Variants in ZNF608 observed in about 807,000 individuals in gnomAD.
ZNF608 encodes the protein renal carcinoma antigen NY-REN-36.
ZNF608 carries 12 observed loss-of-function variants against 109.0 expected under a neutral mutation model. The observed-to-expected ratio is 0.11, with a 90% CI of 0.07 to 0.18. The LOEUF (loss-of-function observed/expected upper bound fraction) is 0.18. Ranked by LOEUF, ZNF608 falls within the 10% of genes least tolerant of loss-of-function variation. The pLI is 1.00. For synonymous variants in ZNF608, 732 were observed against 717.4 expected (o/e 1.02, Z -0.33); for missense variants, 1,707 against 1,879.3 (o/e 0.91, Z 1.70).
At chr5:124,710,175 T>G (rs981471584) in intron 2 of ZNF608, 2 of 454,590 alleles carry the variant, frequency 4.4e-6, no homozygotes, top group South Asian at 3.1e-5. Flanking sequence ...AAGTCTCTCA[T>G]CCTTATGCTT....
At chr5:124,729,326 G>A (rs1748769740) in intron 2 of ZNF608, among the ~76,000 whole-genome samples, 2 of 152,216 alleles carry the variant, frequency 1.3e-5, no homozygotes, top group Non-Finnish European at 2.9e-5. Flanking sequence ...ATCCCAGAGA[G>A]GAAGACCAGC....
At chr5:124,699,758 CT>C (rs1752980618) in intron 3 of ZNF608, among the ~76,000 whole-genome samples, 1 of 152,190 alleles carries the variant, frequency 6.6e-6, no homozygotes, top group Non-Finnish European at 1.5e-5. Context: ...ATACTCAACA[CT>C]TGTCATCTGA....
chr5:124,676,594 G>T (rs1382669970), intron 3 of ZNF608, among the ~76,000 whole-genome samples: 1 of 151,956 alleles, frequency 6.6e-6, no homozygotes, highest in Non-Finnish European at 1.5e-5. Context: ...AAAAATAGCC[G>T]CACACTATTT....
intron 3 of ZNF608, among the ~76,000 whole-genome samples, chr5:124,657,341 A>G (rs187168837): frequency 6.6e-6 from 1 of 152,280 alleles, no homozygotes; most frequent in East Asian, 1.9e-4. Flanking sequence ...CCCAAGATAT[A>G]ACATGAAAAG....
chr5:124,671,673 C>T (rs1751729175), intron 3 of ZNF608, among the ~76,000 whole-genome samples: 2 of 145,390 alleles, frequency 1.4e-5, no homozygotes, highest in South Asian at 2.2e-4. Flanking sequence ...GACAGGGTCT[C>T]ACCCCAGAGT....
chr5:124,744,648 A>G lies in ZNF608; in HGVS notation c.342T>C (p.Asp114=). ...SKVKRSKTSK[D]ANKSLPSAAL... ...CAGCAGAAGGCAGAGATTTATTAGCATCCTTAGAAGTTTTACTCCTTTTCA... is the reference window on the plus strand; with the variant it reads ...CAGCAGAAGGCAGAGATTTATTAGCGTCCTTAGAAGTTTTACTCCTTTTCA... Residue 114 remains aspartate (D), a synonymous_variant, in exon 2 of 10, where the codon GAT becomes GAC. Transcript: ENST00000513986. The surrounding 1 kb of genome is among the most constrained non-coding windows in gnomAD (Gnocchi z 4.5). 1 of 1,614,170 alleles carries G rather than the reference A, an allele frequency of 6.2e-7. No individual in the cohort carries two copies. Among genetic ancestry groups the G allele is most frequent in the Non-Finnish European group, 8.5e-7 (1 of 1,180,022 alleles).
intron 2 of ZNF608, among the ~76,000 whole-genome samples, chr5:124,715,673 T>C (rs1174559949): frequency 2.0e-5 from 3 of 152,268 alleles, no homozygotes; most frequent in African/African-American, 7.2e-5. Context: ...CATGTACGTA[T>C]ACTGCTTTTA....
chr5:124,644,399 T>C lies in ZNF608; in HGVS notation c.3968A>G (p.Lys1323Arg). 6.2e-7 allele frequency: 1 copy of C among 1,614,178 alleles called. No homozygotes were observed. Among genetic ancestry groups the C allele is most frequent in the Non-Finnish European group, 8.5e-7 (1 of 1,180,028 alleles). Residue 1323 changes from lysine (K) to arginine (R), a missense_variant, in exon 6 of 10, where the codon AAG (lysine) becomes AGG (arginine). Physicochemically the swap from Lys to Arg is conservative, Grantham distance 26 (BLOSUM62 2). This residue lies in a region of ZNF608 where 1,073 missense variants were observed against 1,133.5 expected (regional missense o/e 0.95). Transcript: ENST00000513986. The stretch of plus-strand genomic sequence containing the variant: ...AGCCACTCTTGTTCCCCGAGAGTCC[T>C]TCCAGTTCACAGGAGTCTTTCGATC... Reference protein sequence around the residue: ...NDDRKTPVNWKDSRGTRVAVS... With the variant: ...NDDRKTPVNWRDSRGTRVAVS...
At chr5:124,658,141 G>C (rs1294022052) in intron 3 of ZNF608, among the ~76,000 whole-genome samples, 2 of 152,100 alleles carry the variant, frequency 1.3e-5, no homozygotes, top group East Asian at 1.9e-4. Flanking sequence ...GATAGTGTTG[G>C]GGGAGGAGGG....
intron 2 of ZNF608, among the ~76,000 whole-genome samples, chr5:124,717,070 A>C (rs1753733854): frequency 6.6e-6 from 1 of 152,146 alleles, no homozygotes; most frequent in Non-Finnish European, 1.5e-5. Context: ...CGACAACAGC[A>C]AAACTCCATC....
At chr5:124,731,297 G>C (rs985169574) in intron 2 of ZNF608, among the ~76,000 whole-genome samples, 4 of 152,254 alleles carry the variant, frequency 2.6e-5, no homozygotes, top group African/African-American at 9.6e-5. Context: ...TGCAACCTCT[G>C]CCTCCCGGGT....
At chr5:124,724,910 C>T (rs1469534552) in intron 2 of ZNF608, among the ~76,000 whole-genome samples, 2 of 152,152 alleles carry the variant, frequency 1.3e-5, no homozygotes, top group African/African-American at 4.8e-5. Context: ...CCTGTCCCTC[C>T]TCTGCGCAAA....
intron 3 of ZNF608, among the ~76,000 whole-genome samples, chr5:124,681,637 T>C (rs1752201255): frequency 6.6e-6 from 1 of 152,134 alleles, no homozygotes; most frequent in Admixed American, 6.5e-5. Context: ...AAGTCCCACC[T>C]ATTTGAAAGC....
chr5:124,744,171 T>A lies in ZNF608; in HGVS notation c.819A>T (p.Ser273=), dbSNP rs1348741637. The A allele has an allele frequency of 1.9e-6, 3 of 1,613,544 alleles. No individual in the cohort carries two copies. The African/African-American group carries it at 4.0e-5, about 22-fold the overall frequency. ...CCAACATAGAGTTTCCCATGAGCCC[T>A]GAATCCGGGGCACTTTTGCTAACTT... ...AGEVSKSAPD[S]GLMGNSMLVK... Residue 273 remains serine (S), a synonymous_variant, in exon 2 of 10, where the codon TCA becomes TCT. Coordinates refer to ENST00000513986, the MANE Select transcript of ZNF608 (RefSeq NM_020747.3). The surrounding 1 kb of genome is among the most constrained non-coding windows in gnomAD (Gnocchi z 4.5).
intron 3 of ZNF608, among the ~76,000 whole-genome samples, chr5:124,683,039 C>CT (rs1752258829): frequency 6.6e-6 from 1 of 151,430 alleles, no homozygotes; most frequent in Non-Finnish European, 1.5e-5. Context: ...TCTCTCTCTC[C>CT]CCCTCTCTAT....
intron 3 of ZNF608, among the ~76,000 whole-genome samples, chr5:124,684,027 C>CTACTA (rs1358012832): frequency 1.3e-5 from 2 of 152,162 alleles, no homozygotes; most frequent in African/African-American, 4.8e-5. Context: ...TACAGAAGTG[C>CTACTA]TACTAGTTTA....
intron 3 of ZNF608, among the ~76,000 whole-genome samples, chr5:124,652,484 G>A (rs79614220): frequency 0.012 from 1,875 of 152,272 alleles, 51 homozygotes; most frequent in African/African-American, 0.043. Context: ...ATATGTACGA[G>A]CCGCTTCACA....
rs1330056714 is a variant in ZNF608, at chr5:124,668,624, G to A, written c.1163-18927C>T. Reference sequence around the variant, plus strand: ...TTGCCCCCACACAGCAGCCTCTGGGGTAGGTGGCCATCAGGACACCAGTTG... The same window carrying A: ...TTGCCCCCACACAGCAGCCTCTGGGATAGGTGGCCATCAGGACACCAGTTG... On this transcript the variant is annotated intron_variant, in intron 3 of 9. Coordinates refer to ENST00000513986, the MANE Select transcript of ZNF608 (RefSeq NM_020747.3). Among the ~76,000 whole-genome samples the A allele has an allele frequency of 9.9e-5, 15 of 152,210 alleles. No individual in the cohort carries two copies. In the South Asian group the frequency reaches 1.2e-3, roughly 13 times the overall value.
chr5:124,679,290 G>A (rs1752090084), intron 3 of ZNF608, among the ~76,000 whole-genome samples: 1 of 152,196 alleles, frequency 6.6e-6, no homozygotes, highest in Admixed American at 6.5e-5. Context: ...AGCGGGGACA[G>A]AAGTGGGAAG....
Sources: gnomAD v4.1 joint callset for allele counts (sites outside exome capture counted in the v4.1 genomes callset) on GRCh38, gnomAD v4.1.1 for gene constraint, gnomAD v4.1.1 regional missense constraint, Gnocchi (gnomAD v3.1) non-coding constraint, MANE v1.5 for transcripts, NCBI Gene and HGNC (gene_info 2026-07-23, HGNC 2026-07-21) for gene names.